The following NOL4L variants were observed in gnomAD, a reference collection of about 807,000 sequenced individuals.
NOL4L encodes nucleolar protein 4-like.
In NOL4L, 7 loss-of-function variants were observed where a neutral mutation model predicts 64.5. The observed-to-expected ratio is 0.11, with a 90% confidence interval of 0.06 to 0.20. The LOEUF (loss-of-function observed/expected upper bound fraction) is 0.20, where lower values mean the gene tolerates loss of function less well. NOL4L is among the 10% of genes least tolerant of loss of function. The pLI is 1.00. For synonymous variants in NOL4L, 413 were observed against 401.0 expected, an observed-to-expected ratio of 1.03 and a Z score of -0.36; for missense variants, 680 against 967.1, an observed-to-expected ratio of 0.70 and a Z score of 3.94.
rs1346239013 is a variant in NOL4L, at chr20:32,519,260, A to G, written c.589+1551T>C. The G allele has an allele frequency of 2.0e-5, 3 of 152,144 alleles. No homozygotes were observed. In the East Asian group the frequency reaches 5.8e-4, roughly 29 times the overall value. The allele number at this position is 152,144 out of a possible 1,614,324, so 9.4% of individuals were successfully genotyped here. ...CTCCCAAGGGCATGGAAGCCTCTGG[A>G]TTTGGTGAGTCAGCTGCTGTCAGAA... On this transcript the variant is annotated intron_variant, in intron 3 of 10. Coordinates refer to ENST00000621426, the MANE Select transcript of NOL4L (RefSeq NM_001256798.2).
intron 1 of NOL4L, chr20:32,548,742 C>T (rs189933833): frequency 1.7e-5 from 7 of 408,594 alleles, no homozygotes; most frequent in Admixed American, 2.9e-5. Flanking sequence ...GGTATAAACT[C>T]GCCCATGCTT....
At chr20:32,506,511 A>G (rs910705371) in intron 4 of NOL4L, among the ~76,000 whole-genome samples, 3 of 152,036 alleles carry the variant, frequency 2.0e-5, no homozygotes, top group African/African-American at 7.2e-5. Context: ...AAAATACAAA[A>G]TTAGCCGGGC....
chr20:32,495,754 C>T (rs769603589), intron 4 of NOL4L, among the ~76,000 whole-genome samples: 12 of 151,948 alleles, frequency 7.9e-5, no homozygotes, highest in Non-Finnish European at 1.6e-4. Context: ...CCCAGGAGTT[C>T]AAGACCAGCC....
rs746437358 is a variant in NOL4L at position 32,443,745 on chromosome 20, G to A, written c.*3851C>T. 2 of 152,048 alleles carry A rather than the reference G, an allele frequency of 1.3e-5. No homozygotes were observed. Among genetic ancestry groups the A allele is most frequent in the Non-Finnish European group, 2.9e-5 (2 of 68,036 alleles). The allele number at this position is 152,048 out of a possible 1,614,324, so 9.4% of individuals were successfully genotyped here. ...TGGCTTGATCCTGAAGGCAACATGA[G>A]TCATTCTGACCTTCCCACTCCCAGG... is the stretch of plus-strand genomic sequence containing the variant. On this transcript the variant is annotated 3_prime_UTR_variant, in exon 11 of 11. Transcript: ENST00000621426.
intron 4 of NOL4L, among the ~76,000 whole-genome samples, chr20:32,509,517 CAAAAAAAAA>C (rs71338441): frequency 8.0e-5 from 5 of 62,844 alleles, no homozygotes; most frequent in African/African-American, 2.6e-4. Flanking sequence ...GACTCTGCCT[CAAAAAAAAA>C]AAAAAAAAAA....
chr20:32,578,151 G>A (rs1299587030), intron 1 of NOL4L, among the ~76,000 whole-genome samples: 5 of 127,972 alleles, frequency 3.9e-5, no homozygotes, highest in African/African-American at 1.6e-4. Context: ...AGGGAGGGAG[G>A]GAGGGAGGGA....
intron 1 of NOL4L, among the ~76,000 whole-genome samples, chr20:32,569,243 G>A (rs1050063413): frequency 6.6e-6 from 1 of 152,204 alleles, no homozygotes; most frequent in African/African-American, 2.4e-5. Context: ...GAACAGCCAG[G>A]AGGCCAGTGT....
rs1223992872 is a variant in NOL4L at position 32,443,395 on chromosome 20, C to G, written c.*4201G>C. The G allele has an allele frequency of 6.6e-6, 1 of 152,250 alleles. No homozygotes were observed. 9.4% of individuals were successfully genotyped at this position (152,250 alleles called of 1,614,324 possible). ...GAGAGCATTGAGGAGGAAGTCCTCA[C>G]CTGCTTAGAAGAGCCACGTTAAGTT... is the stretch of plus-strand genomic sequence containing the variant. On this transcript the variant is annotated 3_prime_UTR_variant, in exon 11 of 11. Coordinates refer to ENST00000621426, the MANE Select transcript of NOL4L (RefSeq NM_001256798.2).
rs578125369 is a variant in NOL4L at position 32,529,650 on chromosome 20, G to C, written c.322-1737C>G. Among the ~76,000 whole-genome samples the C allele has an allele frequency of 3.9e-5, 6 of 152,332 alleles. No homozygotes were observed. In the South Asian group the frequency reaches 1.2e-3, roughly 32 times the overall value. ...AGCAGATGGGGGGCAAAGGGCATCT[G>C]GGATGTGGGGTCCCGAGCCCCACAG... On this transcript the variant is annotated intron_variant, in intron 1 of 10. Coordinates refer to ENST00000621426, the MANE Select transcript of NOL4L (RefSeq NM_001256798.2).
At chr20:32,523,781 C>T (rs934772024) in intron 2 of NOL4L, among the ~76,000 whole-genome samples, 7 of 152,166 alleles carry the variant, frequency 4.6e-5, no homozygotes, top group African/African-American at 1.7e-4. Flanking sequence ...CACTGAGTCC[C>T]GTATGTGAAT....
chr20:32,520,208 C>A (rs984333250), intron 3 of NOL4L: 62 of 152,010 alleles, frequency 4.1e-4, no homozygotes, highest in African/African-American at 1.4e-3. Context: ...ATGGCATGAA[C>A]CCGGGAGGCG....
chr20:32,505,518 A>C (rs1442918625), intron 4 of NOL4L, among the ~76,000 whole-genome samples: 1 of 152,198 alleles, frequency 6.6e-6, no homozygotes, highest in Non-Finnish European at 1.5e-5. Context: ...TGAGTTCCAG[A>C]CCAGCCCAGA....
intron 5 of NOL4L, among the ~76,000 whole-genome samples, chr20:32,466,216 C>A (rs948626618): frequency 3.3e-5 from 5 of 152,176 alleles, no homozygotes; most frequent in African/African-American, 1.2e-4. Context: ...GATCTGCCTG[C>A]CTTAGCCTCC....
At chr20:32,578,259 C>A (rs1172002169) in intron 1 of NOL4L, among the ~76,000 whole-genome samples, 1 of 151,762 alleles carries the variant, frequency 6.6e-6, no homozygotes, top group African/African-American at 2.4e-5. Flanking sequence ...AAGCCCAGGC[C>A]CTTTACCTGT....
chr20:32,511,320 T>G (rs1223720517), intron 4 of NOL4L, 27 bp downstream of exon 4: 2 of 1,444,910 alleles, frequency 1.4e-6, no homozygotes, highest in Non-Finnish European at 1.9e-6. Context: ...CGCCTCCAGG[T>G]GGGGTGAGGG....
At position 32,483,567 on chromosome 20, in the gene NOL4L, C is replaced by T. The variant is rs2015887807; in HGVS notation, c.700-8825G>A. On this transcript the variant is annotated intron_variant, in intron 4 of 10. Transcript: ENST00000621426. ...GGAGGGCCCAGGCGAGCAGCGGCGG[C>T]AGCGGCGGCGGCGCCGCGGCCCGGA... is the stretch of plus-strand genomic sequence containing the variant. 12 of 966,392 alleles carry T rather than the reference C, an allele frequency of 1.2e-5. No individual in the cohort carries two copies. The South Asian group carries it at 5.7e-4, about 46-fold the overall frequency. 59.9% of individuals were successfully genotyped at this position (966,392 alleles called of 1,614,324 possible).
chr20:32,558,710 G>A (rs1001913039), intron 1 of NOL4L, among the ~76,000 whole-genome samples: 6 of 152,228 alleles, frequency 3.9e-5, no homozygotes, highest in Admixed American at 1.3e-4. Flanking sequence ...GAGGGTCAGC[G>A]GTGCTGGGCC....
chr20:32,447,940 C>T (rs887599037), intron 10 of NOL4L, 124 bp from the exon 11 acceptor site: 32 of 1,292,520 alleles, frequency 2.5e-5, no homozygotes, highest in Admixed American at 5.3e-5. Flanking sequence ...CACTGAAGTC[C>T]GTGGCTCTGG....
At chr20:32,456,053 T>A (rs2013469904) in intron 6 of NOL4L, 65 bp downstream of exon 6, 1 of 1,436,246 alleles carries the variant, frequency 7.0e-7, no homozygotes, top group South Asian at 1.5e-5. Flanking sequence ...GCGTATACAA[T>A]TTCATTCTCG....
Sources: gnomAD v4.1 joint callset for allele counts (sites outside exome capture counted in the v4.1 genomes callset) on GRCh38, gnomAD v4.1.1 for gene constraint, MANE v1.5 for transcripts, NCBI Gene and HGNC (gene_info 2026-07-23, HGNC 2026-07-21) for gene names.